CHCHD6: variants seen among roughly 807,000 people sequenced by gnomAD.
The protein encoded by CHCHD6 is MICOS complex subunit MIC25.
In CHCHD6, 28 loss-of-function variants were observed where a neutral mutation model predicts 32.3. The ratio of observed to expected loss-of-function variants is 0.87; its 90% confidence interval spans 0.64 to 1.19. The LOEUF (loss-of-function observed/expected upper bound fraction) is 1.19. Ranked by LOEUF, CHCHD6 falls within the 50% of genes most tolerant of loss-of-function variation. The pLI is 0.00. For missense variants in CHCHD6, 333 were observed against 307.0 expected (o/e 1.08, Z -0.63); for synonymous variants, 122 against 117.5 (o/e 1.04, Z -0.25).
chr3:126,934,797 C>T (rs2107600277), intron 6 of CHCHD6, among the ~76,000 whole-genome samples: 1 of 152,238 alleles, frequency 6.6e-6, no homozygotes, highest in East Asian at 1.9e-4. Flanking sequence ...GATCCGCCCG[C>T]CTCGGCCTCC....
At chr3:126,801,233 C>T (rs909741280) in intron 4 of CHCHD6, among the ~76,000 whole-genome samples, 6 of 152,316 alleles carry the variant, frequency 3.9e-5, no homozygotes, top group Middle Eastern at 3.4e-3. Context: ...TGCAGCGCAC[C>T]GTGCGCAAGC....
chr3:126,862,518 C>T (rs1427252018), intron 5 of CHCHD6, among the ~76,000 whole-genome samples: 1 of 138,116 alleles, frequency 7.2e-6, no homozygotes, highest in Admixed American at 7.1e-5. Flanking sequence ...CCTCCACCAT[C>T]ACCACCTCAC....
At chr3:126,844,822 C>T (rs1941237343) in intron 4 of CHCHD6, among the ~76,000 whole-genome samples, 2 of 151,988 alleles carry the variant, frequency 1.3e-5, no homozygotes, top group Non-Finnish European at 2.9e-5. Flanking sequence ...AGTGTAATGT[C>T]AAGGTCCTTA....
At chr3:126,719,221 G>A (rs1323899144) in intron 1 of CHCHD6, among the ~76,000 whole-genome samples, 1 of 152,190 alleles carries the variant, frequency 6.6e-6, no homozygotes, top group African/African-American at 2.4e-5. Flanking sequence ...CTTCTGTGGG[G>A]CCCTCGGACA....
chr3:126,937,398 G>A (rs564410497), intron 6 of CHCHD6, among the ~76,000 whole-genome samples: 5 of 152,254 alleles, frequency 3.3e-5, no homozygotes, highest in African/African-American at 9.6e-5. Context: ...GGGAGTGAGC[G>A]TTGGGAGCTG....
chr3:126,944,487 C>T (rs563503610), intron 6 of CHCHD6, among the ~76,000 whole-genome samples: 1 of 152,370 alleles, frequency 6.6e-6, no homozygotes, highest in South Asian at 2.1e-4. Context: ...TCCAGGCACT[C>T]CTGTCTAGTG....
intron 4 of CHCHD6, among the ~76,000 whole-genome samples, chr3:126,752,523 G>C (rs908420057): frequency 1.3e-5 from 2 of 152,242 alleles, no homozygotes; most frequent in Non-Finnish European, 1.5e-5. Context: ...CTGTAACCTG[G>C]TAGCTTTGAG....
intron 6 of CHCHD6, among the ~76,000 whole-genome samples, chr3:126,950,516 C>T (rs1009515526): frequency 3.9e-5 from 6 of 152,222 alleles, no homozygotes; most frequent in Non-Finnish European, 7.3e-5. Context: ...CAGTGGCACG[C>T]TCTCTGCTCA....
intron 4 of CHCHD6, among the ~76,000 whole-genome samples, chr3:126,809,730 CTA>C (rs1213080629): frequency 2.0e-5 from 3 of 152,196 alleles, no homozygotes; most frequent in African/African-American, 7.2e-5. Context: ...AACAAGGTAT[CTA>C]TATGTAAACT....
At chr3:126,731,717 G>A (rs1935811947) in intron 3 of CHCHD6, among the ~76,000 whole-genome samples, 1 of 152,112 alleles carries the variant, frequency 6.6e-6, no homozygotes, top group African/African-American at 2.4e-5. Context: ...TGTTGGGTCT[G>A]TTGCATAGCC....
chr3:126,937,415 G>A (rs2078496202), intron 6 of CHCHD6, among the ~76,000 whole-genome samples: 1 of 152,132 alleles, frequency 6.6e-6, no homozygotes, highest in African/African-American at 2.4e-5. Context: ...GCTGAGCCTG[G>A]TACGTCTCTC....
chr3:126,771,445 T>C (rs1029458434), intron 4 of CHCHD6, among the ~76,000 whole-genome samples: 4 of 151,922 alleles, frequency 2.6e-5, no homozygotes, highest in African/African-American at 9.7e-5. Flanking sequence ...CCTCGTGATC[T>C]TGATCCGCCC....
At chr3:126,912,609 G>T (rs1442575696) in intron 5 of CHCHD6, among the ~76,000 whole-genome samples, 1 of 152,332 alleles carries the variant, frequency 6.6e-6, no homozygotes, top group East Asian at 1.9e-4. Flanking sequence ...ACTTGCCTAA[G>T]CTCACCAGGC....
intron 1 of CHCHD6, among the ~76,000 whole-genome samples, chr3:126,721,156 C>G (rs1426596342): frequency 6.6e-6 from 1 of 152,228 alleles, no homozygotes; most frequent in Non-Finnish European, 1.5e-5. Context: ...CATCCCACCT[C>G]CCACGCAGGC....
At chr3:126,814,471 A>T (rs1004752747) in intron 4 of CHCHD6, among the ~76,000 whole-genome samples, 2 of 152,190 alleles carry the variant, frequency 1.3e-5, no homozygotes. Flanking sequence ...GCAAGATTGG[A>T]GGATTGGGCC....
At chr3:126,708,004 G>A (rs1237590509) in intron 1 of CHCHD6, among the ~76,000 whole-genome samples, 2 of 152,206 alleles carry the variant, frequency 1.3e-5, no homozygotes, top group Non-Finnish European at 2.9e-5. Context: ...GAAAGGAAGA[G>A]ACACAGGCAA....
chr3:126,954,810 C>G (rs1190721120), intron 6 of CHCHD6, among the ~76,000 whole-genome samples: 1 of 152,214 alleles, frequency 6.6e-6, no homozygotes, highest in African/African-American at 2.4e-5. Flanking sequence ...ACAGAAGACA[C>G]AGCAAGAGGC....
chr3:126,866,058 G>A (rs1432984507), intron 5 of CHCHD6, among the ~76,000 whole-genome samples: 2 of 152,150 alleles, frequency 1.3e-5, no homozygotes, highest in Admixed American at 6.5e-5. Flanking sequence ...ACACTGAGAG[G>A]TTAAGAGTTG....
chr3:126,766,554 A>C, intron 4 of CHCHD6: 4 of 1,103,808 alleles, frequency 3.6e-6, no homozygotes, highest in Non-Finnish European at 5.5e-6. Context: ...AGAAAATGCC[A>C]TCCAGAGTCT....
Sources: allele counts gnomAD v4.1 joint callset (sites outside exome capture counted in the v4.1 genomes callset), GRCh38; gene constraint gnomAD v4.1.1; transcripts MANE v1.5; gene names NCBI Gene and HGNC (gene_info 2026-07-23, HGNC 2026-07-21).